Variants in PAWR observed in about 807,000 individuals in gnomAD.
PAWR encodes the protein PRKC apoptosis WT1 regulator protein.
In PAWR, 23 loss-of-function variants were observed where a neutral mutation model predicts 32.0. The observed-to-expected ratio is 0.72, with a 90% CI of 0.52 to 1.02. PAWR has a LOEUF of 1.02. Among genes scored for constraint, PAWR ranks in the 50% least tolerant of loss-of-function variants. PAWR has a pLI of 0.00. For synonymous variants in PAWR, 226 were observed against 187.1 expected, an observed-to-expected ratio of 1.21 and a Z score of -1.70; for missense variants, 457 against 437.7, an observed-to-expected ratio of 1.04 and a Z score of -0.39.
Position 79,591,030 on chromosome 12 carries a change from A to C in PAWR, c.*1577T>G, listed in dbSNP as rs987403883. ...ATAAAGAAACAGCAGCAGCTGCTTC[A>C]AAAGTAGACTATGATCAGAAACCTC... On this transcript the variant is annotated 3_prime_UTR_variant, in exon 7 of 7. Transcript: ENST00000328827. 2.6e-5 allele frequency: 4 copies of C among 152,236 alleles called. No individual in the cohort carries two copies. The highest frequency in any genetic ancestry group is 9.6e-5 in the African/African-American group (4 of 41,458). 9.4% of individuals were successfully genotyped at this position (152,236 alleles called of 1,614,324 possible).
At position 79,588,680 on chromosome 12, in the gene PAWR, T is replaced by G. The variant is rs1873457532; in HGVS notation, c.*3927A>C. On this transcript the variant is annotated 3_prime_UTR_variant, in exon 7 of 7. Transcript: ENST00000328827. ...GGTCCATGTCCATTTATTTAAAGATTCTGTAACACCTGTAATAGTATTTAA... is the reference window on the plus strand; with the variant it reads ...GGTCCATGTCCATTTATTTAAAGATGCTGTAACACCTGTAATAGTATTTAA... The G allele has an allele frequency of 2.0e-5, 3 of 152,020 alleles. No individual in the cohort carries two copies. In the East Asian group the frequency reaches 5.8e-4, roughly 29 times the overall value. The allele number at this position is 152,020 out of a possible 1,614,324, so 9.4% of individuals were successfully genotyped here. A position where few individuals can be genotyped will look rare whatever the true frequency, so the allele number is the denominator to read the frequency against.
chr12:79,641,622 G>A (rs1331249263), intron 2 of PAWR, among the ~76,000 whole-genome samples: 2 of 152,050 alleles, frequency 1.3e-5, no homozygotes, highest in Non-Finnish European at 2.9e-5. Context: ...GCCGAGGTGG[G>A]CGGATCACGA....
rs1228189253 is a variant in PAWR at position 79,595,335 on chromosome 12, C to T, written c.832-902G>A. Among the ~76,000 whole-genome samples, 3 of 152,110 alleles carry T rather than the reference C, an allele frequency of 2.0e-5. No homozygotes were observed. In the East Asian group the frequency reaches 5.8e-4, roughly 29 times the overall value. ...CAGGGCACTGGGCTTGGTCAGCCAC[C>T]TTGGGGGCAAAAGGGAAGCAGAGCT... On this transcript the variant is annotated intron_variant, in intron 5 of 6. Transcript: ENST00000328827.
chr12:79,657,543 G>A (rs1050740866), intron 2 of PAWR, among the ~76,000 whole-genome samples: 1 of 152,172 alleles, frequency 6.6e-6, no homozygotes, highest in Non-Finnish European at 1.5e-5. Flanking sequence ...CGTAATCCCA[G>A]CACTTTGGGA....
chr12:79,585,298 C>T lies in PAWR; in HGVS notation c.*7309G>A, dbSNP rs571191258. On this transcript the variant is annotated 3_prime_UTR_variant, in exon 7 of 7. Coordinates refer to ENST00000328827, the MANE Select transcript of PAWR (RefSeq NM_002583.4). ...AGGCCTGCATCAAAATTACATGAAGCGCTTGTTAAAACAGATTGAGCCCCA... is the reference window on the plus strand; with the variant it reads ...AGGCCTGCATCAAAATTACATGAAGTGCTTGTTAAAACAGATTGAGCCCCA... 14 of 300,550 alleles carry T rather than the reference C, an allele frequency of 4.7e-5. No individual in the cohort carries two copies. The highest frequency in any genetic ancestry group is 8.3e-5 in the Non-Finnish European group (13 of 156,268). 18.6% of individuals were successfully genotyped at this position (300,550 alleles called of 1,614,324 possible).
chr12:79,610,491 A>G (rs1874382898), intron 4 of PAWR, among the ~76,000 whole-genome samples: 1 of 152,222 alleles, frequency 6.6e-6, no homozygotes, highest in Non-Finnish European at 1.5e-5. Context: ...ATTACGGGTT[A>G]CCAAAGCAGT....
At chr12:79,663,885 T>G (rs1331693514) in intron 2 of PAWR, among the ~76,000 whole-genome samples, 1 of 152,224 alleles carries the variant, frequency 6.6e-6, no homozygotes, top group Non-Finnish European at 1.5e-5. Context: ...ACATCCCAGT[T>G]AACTGAAGAG....
chr12:79,611,573 A>C (rs2136696565), intron 4 of PAWR, among the ~76,000 whole-genome samples: 1 of 152,090 alleles, frequency 6.6e-6, no homozygotes, highest in East Asian at 1.9e-4. Flanking sequence ...GATAAGAGAT[A>C]ATTTCATATA....
chr12:79,676,576 C>T (rs1030306338), intron 2 of PAWR, among the ~76,000 whole-genome samples: 2 of 152,168 alleles, frequency 1.3e-5, no homozygotes, highest in African/African-American at 4.8e-5. Context: ...CTAGTCTGCT[C>T]TGTGTACTAC....
At chr12:79,604,185 T>C (rs1395202731) in intron 4 of PAWR, 2 of 955,084 alleles carry the variant, frequency 2.1e-6, no homozygotes, top group African/African-American at 3.5e-5. Flanking sequence ...CCAAAAAGTT[T>C]TTAACATTTT....
chr12:79,658,446 A>G (rs1877195546), intron 2 of PAWR, among the ~76,000 whole-genome samples: 1 of 152,144 alleles, frequency 6.6e-6, no homozygotes, highest in African/African-American at 2.4e-5. Context: ...TGTTCCTCTT[A>G]TCGGACAACC....
At chr12:79,629,624 T>A (rs1875509896) in intron 2 of PAWR, among the ~76,000 whole-genome samples, 3 of 152,132 alleles carry the variant, frequency 2.0e-5, no homozygotes, top group Admixed American at 2.0e-4. Context: ...TTCTGTCAAT[T>A]TGACCCAACA....
intron 2 of PAWR, among the ~76,000 whole-genome samples, chr12:79,632,362 T>TTA (rs1875747036): frequency 2.0e-5 from 1 of 49,888 alleles, no homozygotes; most frequent in Non-Finnish European, 3.1e-5. Flanking sequence ...TATATATATA[T>TTA]TTTTTTTTTT....
At chr12:79,676,617 C>T (rs909011635) in intron 2 of PAWR, among the ~76,000 whole-genome samples, 2 of 152,120 alleles carry the variant, frequency 1.3e-5, no homozygotes, top group African/African-American at 4.8e-5. Context: ...TAAAATTTTG[C>T]TCTCACAATA....
intron 2 of PAWR, among the ~76,000 whole-genome samples, chr12:79,672,400 C>T (rs10778685): frequency 0.23 from 34,898 of 152,012 alleles, 10,820 homozygotes; most frequent in African/African-American, 0.71. Flanking sequence ...CTGTTCCCTC[C>T]ACCTAGAACT....
chr12:79,598,630 T>C (rs1019397576), intron 4 of PAWR, among the ~76,000 whole-genome samples: 2 of 152,178 alleles, frequency 1.3e-5, no homozygotes, highest in African/African-American at 4.8e-5. Flanking sequence ...CCTATCAAAT[T>C]TGTAAGGTAT....
At chr12:79,634,880 A>AT (rs968040003) in intron 2 of PAWR, among the ~76,000 whole-genome samples, 28 of 151,598 alleles carry the variant, frequency 1.8e-4, no homozygotes, top group Middle Eastern at 3.4e-3. Context: ...TTTTTACATA[A>AT]TTTTTTTTTA....
intron 2 of PAWR, among the ~76,000 whole-genome samples, chr12:79,635,154 C>T (rs1028061993): frequency 2.0e-5 from 3 of 152,094 alleles, no homozygotes; most frequent in Non-Finnish European, 4.4e-5. Context: ...CAGATTAAAA[C>T]CTGGCTGGCT....
At chr12:79,639,881 T>TATTCCTATTCC in intron 2 of PAWR, among the ~76,000 whole-genome samples, 41 of 112,530 alleles carry the variant, frequency 3.6e-4, no homozygotes, top group African/African-American at 2.0e-3. Context: ...TTCCTATTCC[T>TATTCCTATTCC]ATTCCATTCC....
Sources: allele counts gnomAD v4.1 joint callset (sites outside exome capture counted in the v4.1 genomes callset), GRCh38; gene constraint gnomAD v4.1.1; transcripts MANE v1.5; gene names NCBI Gene and HGNC (gene_info 2026-07-23, HGNC 2026-07-21).